The following BCAS3 variants were observed in gnomAD, a reference collection of about 807,000 sequenced individuals.
BCAS3 encodes BCAS3 microtubule associated cell migration factor.
In BCAS3, 53 loss-of-function variants were observed where a neutral mutation model predicts 116.1. That is an observed-to-expected ratio of 0.46 (90% CI 0.37 to 0.57). BCAS3 has a LOEUF of 0.57. Among genes scored for constraint, BCAS3 ranks in the 20% least tolerant of loss-of-function variants. The pLI, the probability that BCAS3 is intolerant of heterozygous loss-of-function variation, is 0.00. For missense variants in BCAS3, 917 were observed against 1,165.4 expected (o/e 0.79, Z 3.10); for synonymous variants, 391 against 408.2 (o/e 0.96, Z 0.51).
At chr17:61,238,490 G>A (rs899575595) in intron 22 of BCAS3, among the ~76,000 whole-genome samples, 15 of 152,008 alleles carry the variant, frequency 9.9e-5, no homozygotes, top group African/African-American at 3.6e-4. Flanking sequence ...CAAAGTGCTG[G>A]GATTACAGTT....
At position 61,285,999 on chromosome 17, in the gene BCAS3, C is replaced by CAGGCTTTGACTGTCAAT. The variant is rs1270831965; in HGVS notation, c.2426-82326_2426-82310dup. 1.3e-5 allele frequency among the ~76,000 whole-genome samples: 2 copies of CAGGCTTTGACTGTCAAT among 152,226 alleles called. No individual in the cohort carries two copies. The highest frequency in any genetic ancestry group is 2.9e-5 in the Non-Finnish European group (2 of 68,040). ...GAAACCTCAGACCTAAAACCAGCCC[C>CAGGCTTTGACTGTCAAT]AGGCTTTGACTGTCAATATCATGAC... On this transcript the variant is annotated intron_variant, in intron 22 of 23. Transcript: ENST00000407086. This position sits in a 1 kb window ranked among gnomAD's most constrained non-coding sequence, Gnocchi z 5.4.
intron 22 of BCAS3, chr17:61,353,851 A>G (rs1486569663): frequency 6.6e-6 from 1 of 152,248 alleles, no homozygotes; most frequent in Non-Finnish European, 1.5e-5. Context: ...GTTCCCAGGC[A>G]GCCCTCTGTT....
chr17:60,692,520 G>A (rs1252359201), intron 4 of BCAS3, among the ~76,000 whole-genome samples: 2 of 152,070 alleles, frequency 1.3e-5, no homozygotes, highest in African/African-American at 4.8e-5. Context: ...GGGATTACAG[G>A]CGTGAGCTAC....
intron 22 of BCAS3, among the ~76,000 whole-genome samples, chr17:61,195,240 C>G (rs1474849162): frequency 1.3e-5 from 2 of 152,198 alleles, no homozygotes; most frequent in Admixed American, 6.5e-5. Flanking sequence ...ATTGGCTGTT[C>G]ATTCTCTTCT....
Position 61,128,586 on chromosome 17 carries a change from A to T in BCAS3, c.2425+44022A>T. 3 of 985,372 alleles carry T rather than the reference A, an allele frequency of 3.0e-6. No individual in the cohort carries two copies. The highest frequency in any genetic ancestry group is 2.4e-6 in the Non-Finnish European group (2 of 829,882). 61.0% of individuals were successfully genotyped at this position (985,372 alleles called of 1,614,324 possible). A position where few individuals can be genotyped will look rare whatever the true frequency, so the allele number is the denominator to read the frequency against. On this transcript the variant is annotated intron_variant, in intron 22 of 23. Coordinates refer to ENST00000407086, the MANE Select transcript of BCAS3 (RefSeq NM_017679.5). The surrounding 1 kb of genome is among the most constrained non-coding windows in gnomAD (Gnocchi z 4.1). ...CACAATCCCCAGCACTTATAAAATA[A>T]AAAAAGTATGGAGAGAGAGAAAGCA...
intron 22 of BCAS3, among the ~76,000 whole-genome samples, chr17:61,173,614 T>G (rs991840963): frequency 1.3e-5 from 2 of 152,022 alleles, no homozygotes; most frequent in African/African-American, 4.8e-5. Flanking sequence ...TTAAAAAAAC[T>G]ATATAATATG....
intron 13 of BCAS3, among the ~76,000 whole-genome samples, chr17:60,942,979 A>G (rs1377680668): frequency 6.6e-6 from 1 of 152,200 alleles, no homozygotes; most frequent in African/African-American, 2.4e-5. Context: ...TAAAATTTTA[A>G]TATAAAGAGA....
At chr17:60,679,405 C>A in intron 1 of BCAS3, 48 bp from the exon 2 acceptor site, 1 of 1,433,486 alleles carries the variant, frequency 7.0e-7, no homozygotes, top group Middle Eastern at 1.7e-4. Flanking sequence ...CCCCCAACAA[C>A]GATCCATGTT....
intron 22 of BCAS3, among the ~76,000 whole-genome samples, chr17:61,109,769 C>A (rs577768849): frequency 6.6e-6 from 1 of 152,256 alleles, no homozygotes; most frequent in South Asian, 2.1e-4. Context: ...CATCCTTAAC[C>A]CACTTTTTGA....
At chr17:61,079,784 C>T (rs895861687) in intron 21 of BCAS3, among the ~76,000 whole-genome samples, 15 of 151,136 alleles carry the variant, frequency 9.9e-5, no homozygotes, top group East Asian at 9.7e-4. Flanking sequence ...TTAGTAGAGA[C>T]GGGGTTTCAA....
In BCAS3 at chr17:60,934,780, A is replaced by G. The variant is rs2059831523; in HGVS notation, c.1087+10280A>G. Among the ~76,000 whole-genome samples, 3 of 152,336 alleles carry G rather than the reference A, an allele frequency of 2.0e-5. No individual in the cohort carries two copies. In the East Asian group the frequency reaches 5.8e-4, roughly 29 times the overall value. On this transcript the variant is annotated intron_variant, in intron 13 of 23. Coordinates refer to ENST00000407086, the MANE Select transcript of BCAS3 (RefSeq NM_017679.5). ...TATATTCATTTCAAAGAGATTTATT[A>G]TATATAGTAAGGTGGGTACCTGTGG...
chr17:60,975,800 C>G (rs2062307409), intron 14 of BCAS3, among the ~76,000 whole-genome samples: 1 of 151,980 alleles, frequency 6.6e-6, no homozygotes, highest in Non-Finnish European at 1.5e-5. Context: ...AATATGTGGC[C>G]TTTTATGTCT....
intron 19 of BCAS3, among the ~76,000 whole-genome samples, chr17:61,066,210 C>T (rs1568267993): frequency 6.6e-6 from 1 of 152,186 alleles, no homozygotes; most frequent in Non-Finnish European, 1.5e-5. Context: ...GCTATGTCCT[C>T]TAAAGCTTCC....
At chr17:60,735,056 A>G (rs2040831663) in intron 5 of BCAS3, among the ~76,000 whole-genome samples, 1 of 152,120 alleles carries the variant, frequency 6.6e-6, no homozygotes, top group Admixed American at 6.6e-5. Context: ...TTAGATTTAT[A>G]CCTACGTATT....
At chr17:60,703,700 G>C (rs942912319) in intron 4 of BCAS3, among the ~76,000 whole-genome samples, 3 of 150,836 alleles carry the variant, frequency 2.0e-5, no homozygotes, top group African/African-American at 4.9e-5. Context: ...GGATCACGAG[G>C]TCAGGAGATC....
At chr17:61,209,754 G>A (rs1161708678) in intron 22 of BCAS3, among the ~76,000 whole-genome samples, 1 of 152,116 alleles carries the variant, frequency 6.6e-6, no homozygotes, top group Non-Finnish European at 1.5e-5. Flanking sequence ...AGGACCTCAG[G>A]GAAGGACCTT....
In BCAS3 at chr17:60,961,601, T is replaced by C. The variant is rs1248074031; in HGVS notation, c.1221+14249T>C. On this transcript the variant is annotated intron_variant, in intron 14 of 23. Transcript: ENST00000407086. This position sits in a 1 kb window ranked among gnomAD's most constrained non-coding sequence, Gnocchi z 4.8. Reference sequence around the variant, plus strand: ...TCTATACCATATCAAATTTCTCCTTTTTTATACTTAAAAAAATATACATAT... The same window carrying C: ...TCTATACCATATCAAATTTCTCCTTCTTTATACTTAAAAAAATATACATAT... Among the ~76,000 whole-genome samples the C allele has an allele frequency of 6.6e-6, 1 of 152,188 alleles. No homozygotes were observed. The highest frequency in any genetic ancestry group is 1.9e-4 in the East Asian group (1 of 5,202).
intron 13 of BCAS3, among the ~76,000 whole-genome samples, chr17:60,926,048 G>A (rs1017583633): frequency 6.6e-6 from 1 of 152,140 alleles, no homozygotes; most frequent in Admixed American, 6.5e-5. Context: ...TGTACATGAG[G>A]TCAGGTGTGG....
chr17:61,099,865 G>A (rs922715122), intron 22 of BCAS3, among the ~76,000 whole-genome samples: 4 of 152,178 alleles, frequency 2.6e-5, no homozygotes, highest in African/African-American at 9.7e-5. Context: ...TTGGGCATAG[G>A]ACATTGGCAT....
Sources: gnomAD v4.1 joint callset for allele counts (sites outside exome capture counted in the v4.1 genomes callset) on GRCh38, gnomAD v4.1.1 for gene constraint, Gnocchi (gnomAD v3.1) non-coding constraint, MANE v1.5 for transcripts, NCBI Gene and HGNC (gene_info 2026-07-23, HGNC 2026-07-21) for gene names.